Variants in MAG observed in about 807,000 individuals in gnomAD.
The protein encoded by MAG is myelin associated glycoprotein.
A neutral mutation model predicts 60.7 loss-of-function variants in MAG; 30 were observed. The ratio of observed to expected loss-of-function variants is 0.49; its 90% CI spans 0.37 to 0.67. The LOEUF is 0.67. Among genes scored for constraint, MAG ranks in the 30% least tolerant of loss-of-function variants. The pLI, the probability that MAG is intolerant of heterozygous loss-of-function variation, is 0.00. For missense variants in MAG, 795 were observed against 851.7 expected, an observed-to-expected ratio of 0.93 and a Z score of 0.83; for synonymous variants, 384 against 376.8, an observed-to-expected ratio of 1.02 and a Z score of -0.22.
Position 35,293,926 on chromosome 19 carries a change from G to C in MAG, c.-79-309G>C, listed in dbSNP as rs897809756. Among the ~76,000 whole-genome samples, 1 of 152,048 alleles carries C rather than the reference G, an allele frequency of 6.6e-6. No individual in the cohort carries two copies. Among genetic ancestry groups the C allele is most frequent in the East Asian group, 1.9e-4 (1 of 5,158 alleles). ...CATTGATGGCTCTGGGTCCCTGCCCGCCACCCCCAGGCCCCGGCCGTGGGA... is the reference window on the plus strand; with the variant it reads ...CATTGATGGCTCTGGGTCCCTGCCCCCCACCCCCAGGCCCCGGCCGTGGGA... On this transcript the variant is annotated intron_variant, in intron 1 of 10. Coordinates refer to ENST00000392213, the MANE Select transcript of MAG (RefSeq NM_002361.4). The surrounding 1 kb of genome is among the most constrained non-coding windows in gnomAD (Gnocchi z 4.0).
chr19:35,299,137 G>C (rs938391208), intron 4 of MAG, among the ~76,000 whole-genome samples: 4 of 152,202 alleles, frequency 2.6e-5, no homozygotes, highest in African/African-American at 9.7e-5. Flanking sequence ...GAGCCGCTTG[G>C]GAAGTGATGA....
rs559112878 is a variant in MAG at position 35,305,861 on chromosome 19, A to G, written c.1231+3153A>G. The stretch of plus-strand genomic sequence containing the variant: ...TTCCAGCTACTCAGGAGGCTGAGGC[A>G]GGAGAATCGCTTGAGCCCGGGGGGT... On this transcript the variant is annotated intron_variant, in intron 7 of 10. Coordinates refer to ENST00000392213, the MANE Select transcript of MAG (RefSeq NM_002361.4). 2.6e-3 allele frequency among the ~76,000 whole-genome samples: 392 copies of G among 152,286 alleles called. 3 individuals carry two copies. The highest frequency in any genetic ancestry group is 0.024 in the South Asian group (114 of 4,828).
At chr19:35,311,742 C>T (rs1568477311) in intron 9 of MAG, among the ~76,000 whole-genome samples, 176 bp from the exon 10 acceptor site, 1 of 152,134 alleles carries the variant, frequency 6.6e-6, no homozygotes, top group Non-Finnish European at 1.5e-5. Context: ...GCAGGGGCCA[C>T]AGAGGTGGGA....
rs1437282731 is a variant in MAG at position 35,299,567 on chromosome 19, C to G, written c.429C>G (p.Ile143Met). Residue 143 changes from isoleucine to methionine, a missense_variant, in exon 5 of 11, where the codon ATC becomes ATG. Ile to Met is a conservative substitution (Grantham distance 10, BLOSUM62 1). Transcript: ENST00000392213. Reference protein sequence around the residue: ...SVLDIVNTPNIVVPPEVVAGT... With the variant: ...SVLDIVNTPNMVVPPEVVAGT... ...CGCCTCGTATAGACACCCCCAACAT[C>G]GTGGTGCCCCCAGAGGTGGTGGCAG... 6.3e-7 allele frequency: 1 copy of G among 1,591,794 alleles called. No homozygotes were observed. The highest frequency in any genetic ancestry group is 1.7e-5 in the Admixed American group (1 of 59,026).
At chr19:35,304,635 G>A (rs1158506244) in intron 7 of MAG, among the ~76,000 whole-genome samples, 1 of 152,124 alleles carries the variant, frequency 6.6e-6, no homozygotes. Context: ...CTGCCTCCCA[G>A]ATTCAAGCGA....
intron 4 of MAG, among the ~76,000 whole-genome samples, chr19:35,296,421 G>A (rs1422812072): frequency 2.0e-5 from 3 of 152,184 alleles, no homozygotes; most frequent in African/African-American, 7.2e-5. Flanking sequence ...CTGGCACGTG[G>A]CCCCCAGCTC....
At chr19:35,294,417 A>G (rs763946321) in intron 2 of MAG, 127 bp downstream of exon 2, 11 of 389,992 alleles carry the variant, frequency 2.8e-5, no homozygotes, top group Non-Finnish European at 5.0e-5. Context: ...AATGATCAGC[A>G]CATCATCACT....
At position 35,295,729 on chromosome 19, in the gene MAG, G is replaced by C. The variant is rs201620798; in HGVS notation, c.163G>C (p.Val55Leu). ...CCCGGATGAGCTGCGGCCCGCTGTG[G>C]TGCATGGTGTCTGGTACTTCAATAG... The part of the protein sequence containing the change: ...DFPDELRPAV[V>L]HGVWYFNSPY... The change falls in exon 4 of 11, where the codon GTG becomes CTG. Residue 55 changes from valine (V) to leucine (L), a missense_variant. Transcript: ENST00000392213. The surrounding 1 kb of genome is among the most constrained non-coding windows in gnomAD (Gnocchi z 5.8). 6.2e-7 allele frequency: 1 copy of C among 1,613,866 alleles called. No individual in the cohort carries two copies. Among genetic ancestry groups the C allele is most frequent in the Non-Finnish European group, 8.5e-7 (1 of 1,180,018 alleles).
At chr19:35,310,419 T>C in intron 8 of MAG, 128 bp from the exon 9 acceptor site, 1 of 883,864 alleles carries the variant, frequency 1.1e-6, no homozygotes, top group Non-Finnish European at 1.8e-6. Flanking sequence ...TCCGTGCCAA[T>C]CAGTCAGTGC....
At chr19:35,296,330 T>C (rs2066397951) in intron 4 of MAG, among the ~76,000 whole-genome samples, 2 of 152,194 alleles carry the variant, frequency 1.3e-5, no homozygotes. Flanking sequence ...CCTTGGGCCT[T>C]GGTTTTCTTT....
chr19:35,299,644 G>A lies in MAG; in HGVS notation c.506G>A (p.Arg169His), dbSNP rs201415296. ...CMVPDNCPEL[R>H]PELSWLGHEG... Reference sequence around the variant, plus strand: ...GTGCCGGACAACTGCCCAGAGCTGCGCCCTGAGCTGAGCTGGCTGGGCCAC... The same window carrying A: ...GTGCCGGACAACTGCCCAGAGCTGCACCCTGAGCTGAGCTGGCTGGGCCAC... Residue 169 changes from arginine (R) to histidine (H), a missense_variant, in exon 5 of 11, where the codon CGC (arginine) becomes CAC (histidine). Physicochemically the swap from Arg to His is conservative, Grantham distance 29 (BLOSUM62 0). Transcript: ENST00000392213. The A allele has an allele frequency of 8.3e-5, 133 of 1,609,836 alleles. No individual in the cohort carries two copies. Among genetic ancestry groups the A allele is most frequent in the Non-Finnish European group, 1.0e-4 (122 of 1,178,600 alleles).
chr19:35,309,131 T>C (rs975696503), intron 7 of MAG, among the ~76,000 whole-genome samples: 1 of 152,170 alleles, frequency 6.6e-6, no homozygotes, highest in Admixed American at 6.5e-5. Flanking sequence ...GGCCCGTCCC[T>C]GTGACATAGT....
At chr19:35,297,662 CACACCACACACAT>C (rs1417187697) in intron 4 of MAG, among the ~76,000 whole-genome samples, 1 of 149,730 alleles carries the variant, frequency 6.7e-6, no homozygotes, top group African/African-American at 2.5e-5. Context: ...ACACACTACA[CACACCACACACAT>C]ACACCACACA....
rs149787869 is a variant in MAG at position 35,295,949 on chromosome 19, C to G, written c.383C>G (p.Thr128Ser). 3 of 1,608,982 alleles carry G rather than the reference C, an allele frequency of 1.9e-6. No individual in the cohort carries two copies. Among genetic ancestry groups the G allele is most frequent in the Admixed American group, 1.7e-5 (1 of 59,368 alleles). ...RGDLGGYNQY[T>S]FSEHSVLDIV... ...GACCTGGGCGGCTACAACCAGTACA[C>G]CTTCTCAGAGCACAGCGTCCTGGAT... is the stretch of plus-strand genomic sequence containing the variant. Residue 128 changes from threonine (T) to serine (S), a missense_variant, in exon 4 of 11, where the codon ACC becomes AGC. Transcript: ENST00000392213. This position sits in a 1 kb window ranked among gnomAD's most constrained non-coding sequence, Gnocchi z 5.8.
Position 35,310,086 on chromosome 19 carries a change from G to C in MAG, c.1444G>C (p.Ala482Pro). Residue 482 changes from alanine (A) to proline (P), a missense_variant, in exon 8 of 11, where the codon GCC (alanine) becomes CCC (proline). By Grantham distance (27) the Ala-to-Pro change is conservative. Transcript: ENST00000392213. ...CCTCACGCTGCGGGGGCAGGCCCAG[G>C]CCCCGCCCCGCGTCATCTGCACCGC... ...SILTLRGQAQ[A>P]PPRVICTARN... The C allele has an allele frequency of 6.2e-7, 1 of 1,612,836 alleles. No homozygotes were observed. The highest frequency in any genetic ancestry group is 8.5e-7 in the Non-Finnish European group (1 of 1,179,610).
chr19:35,310,088 C>A lies in MAG; in HGVS notation c.1446C>A (p.Ala482=). ...TCACGCTGCGGGGGCAGGCCCAGGC[C>A]CCGCCCCGCGTCATCTGCACCGCGA... is the stretch of plus-strand genomic sequence containing the variant. ...SILTLRGQAQ[A]PPRVICTARN... The change falls in exon 8 of 11, where the codon GCC becomes GCA. Residue 482 remains alanine (A), a synonymous_variant. Coordinates refer to ENST00000392213, the MANE Select transcript of MAG (RefSeq NM_002361.4). The A allele has an allele frequency of 6.2e-7, 1 of 1,612,960 alleles. No individual in the cohort carries two copies. The highest frequency in any genetic ancestry group is 8.5e-7 in the Non-Finnish European group (1 of 1,179,608).
intron 4 of MAG, among the ~76,000 whole-genome samples, chr19:35,297,632 C>T (rs899922345): frequency 7.2e-6 from 1 of 139,758 alleles, no homozygotes; most frequent in Non-Finnish European, 1.6e-5. Context: ...CACACACTAC[C>T]CACACACCAC....
intron 1 of MAG, among the ~76,000 whole-genome samples, chr19:35,292,467 G>A (rs1012598909): frequency 6.6e-6 from 1 of 152,084 alleles, no homozygotes; most frequent in African/African-American, 2.4e-5. Context: ...TGAAGATTTT[G>A]CAGGAGAGGT....
At chr19:35,301,666 G>A (rs1370000306) in intron 6 of MAG, among the ~76,000 whole-genome samples, 1 of 151,926 alleles carries the variant, frequency 6.6e-6, no homozygotes, top group African/African-American at 2.4e-5. Context: ...TCCTGACCTC[G>A]TGATCTGCCC....
Sources: allele counts gnomAD v4.1 joint callset (sites outside exome capture counted in the v4.1 genomes callset), GRCh38; gene constraint gnomAD v4.1.1; non-coding constraint Gnocchi (gnomAD v3.1); transcripts MANE v1.5; gene names NCBI Gene and HGNC (gene_info 2026-07-23, HGNC 2026-07-21).